The following DLGAP2 variants were observed in gnomAD, a reference collection of about 807,000 sequenced individuals.
DLGAP2 encodes disks large-associated protein 2.
Under a neutral mutation model 100.3 loss-of-function variants are expected in DLGAP2, and 26 were observed. The ratio of observed to expected loss-of-function variants is 0.26; its 90% CI spans 0.19 to 0.36. The LOEUF (loss-of-function observed/expected upper bound fraction) is 0.36. Ranked by LOEUF, DLGAP2 falls within the 10% of genes least tolerant of loss-of-function variation. The pLI is 1.00. For synonymous variants in DLGAP2, 886 were observed against 630.1 expected (o/e 1.41, Z -6.08); for missense variants, 1,858 against 1,453.2 (o/e 1.28, Z -4.53).
intron 3 of DLGAP2, among the ~76,000 whole-genome samples, chr8:1,333,846 G>A (rs981696271): frequency 6.6e-6 from 1 of 152,250 alleles, no homozygotes; most frequent in Admixed American, 6.5e-5. Context: ...TGGAACAGAA[G>A]CTCAGATCTA....
At chr8:1,566,775 A>G (rs373589082) in intron 6 of DLGAP2, among the ~76,000 whole-genome samples, 16 of 152,374 alleles carry the variant, frequency 1.1e-4, no homozygotes, top group East Asian at 9.6e-4. Context: ...ACCTCTTCCA[A>G]TACATCTAGT....
At chr8:1,243,607 G>A (rs558637528) in intron 2 of DLGAP2, among the ~76,000 whole-genome samples, 131 of 152,014 alleles carry the variant, frequency 8.6e-4, no homozygotes, top group Middle Eastern at 3.4e-3. Flanking sequence ...ACATTAATTT[G>A]TTTGGACCCC....
intron 2 of DLGAP2, among the ~76,000 whole-genome samples, chr8:1,011,001 C>T (rs895235352): frequency 6.7e-6 from 1 of 149,806 alleles, no homozygotes; most frequent in East Asian, 2.0e-4. Flanking sequence ...CGAGGGGCCT[C>T]AGTCTACATA....
intron 3 of DLGAP2, among the ~76,000 whole-genome samples, chr8:1,433,173 G>T (rs146430945): frequency 6.6e-6 from 1 of 152,234 alleles, no homozygotes; most frequent in Admixed American, 6.5e-5. Context: ...CTCCAGGAAC[G>T]TGCGGGACTT....
intron 3 of DLGAP2, among the ~76,000 whole-genome samples, chr8:1,417,726 G>GGGGGGCACGGGGAGCCCCACTCCTGCCTC (rs1796967566): frequency 1.3e-3 from 180 of 142,306 alleles, no homozygotes; most frequent in African/African-American, 2.1e-3. Flanking sequence ...CGAGGCTCCA[G>GGGGGGCACGGGGAGCCCCACTCCTGCCTC]ACACAGAAGC....
chr8:1,338,388 C>T (rs1165555471), intron 3 of DLGAP2, among the ~76,000 whole-genome samples: 2 of 152,212 alleles, frequency 1.3e-5, no homozygotes, highest in African/African-American at 4.8e-5. Flanking sequence ...AGAAGCCAGA[C>T]TCAAGTCCAC....
chr8:835,259 T>A (rs1553407), intron 1 of DLGAP2, among the ~76,000 whole-genome samples: 18,914 of 152,200 alleles, frequency 0.12, 1,763 homozygotes, highest in East Asian at 0.52. Flanking sequence ...TTTAAATATA[T>A]GTTTCTCTTT....
At chr8:1,261,084 G>A (rs1334412281) in intron 3 of DLGAP2, among the ~76,000 whole-genome samples, 2 of 152,078 alleles carry the variant, frequency 1.3e-5, no homozygotes, top group Admixed American at 6.5e-5. Context: ...TCTTTAAAAC[G>A]AGACAGACCG....
intron 1 of DLGAP2, among the ~76,000 whole-genome samples, chr8:864,399 G>A (rs953881831): frequency 4.6e-5 from 7 of 152,180 alleles, no homozygotes; most frequent in Non-Finnish European, 7.3e-5. Flanking sequence ...ACCCTAATTT[G>A]TCCATTGCAC....
rs149090620 is a variant in DLGAP2, at chr8:971,116, A to G, written c.73+63150A>G. On this transcript the variant is annotated intron_variant, in intron 2 of 14. Transcript: ENST00000637795. Reference sequence around the variant, plus strand: ...TTATTTAGATAATTGGACTTTATCAAAATGAGTAATTTTTGTGGTTTCGAG... The same window carrying G: ...TTATTTAGATAATTGGACTTTATCAGAATGAGTAATTTTTGTGGTTTCGAG... Among the ~76,000 whole-genome samples, 505 of 152,348 alleles carry G rather than the reference A, an allele frequency of 3.3e-3. 3 individuals carry two copies. Among genetic ancestry groups the G allele is most frequent in the Middle Eastern group, 0.01 (3 of 294 alleles).
chr8:1,390,544 C>T (rs542582294), intron 3 of DLGAP2, among the ~76,000 whole-genome samples: 1 of 152,162 alleles, frequency 6.6e-6, no homozygotes, highest in Non-Finnish European at 1.5e-5. Context: ...ATCTGTCGAG[C>T]TGTGTGCTCC....
intron 2 of DLGAP2, among the ~76,000 whole-genome samples, chr8:916,656 T>C (rs1471533460): frequency 6.6e-6 from 1 of 151,772 alleles, no homozygotes; most frequent in African/African-American, 2.4e-5. Context: ...TAAAGTATAA[T>C]AAAAAAAATT....
chr8:1,040,392 C>T (rs1227701956), intron 2 of DLGAP2, among the ~76,000 whole-genome samples: 2 of 147,640 alleles, frequency 1.4e-5, no homozygotes, highest in African/African-American at 5.1e-5. Flanking sequence ...GTGGTCAGCT[C>T]GGTGTGCGTG....
rs1165790168 is a variant in DLGAP2, at chr8:1,481,471, CT to C, written c.107-19871del. ...GGATTTTCTTTTTCTTTTTCTTTTT[CT>C]TTTTTTTTTTTTTTTTTTTTTTTGA... On this transcript the variant is annotated intron_variant, in intron 3 of 14. Coordinates refer to ENST00000637795, the MANE Select transcript of DLGAP2 (RefSeq NM_001346810.2). Among the ~76,000 whole-genome samples, 55 of 43,698 alleles carry C rather than the reference CT, an allele frequency of 1.3e-3. 1 individual carries two copies. Among genetic ancestry groups the C allele is most frequent in the South Asian group, 3.9e-3 (3 of 774 alleles). 28.7% of individuals were successfully genotyped at this position (43,698 alleles called of 152,430 possible). A position where few individuals can be genotyped will look rare whatever the true frequency, so the allele number is the denominator to read the frequency against.
intron 2 of DLGAP2, chr8:927,074 C>CT: frequency 1.0e-6 from 1 of 985,368 alleles, no homozygotes; most frequent in Non-Finnish European, 1.2e-6. Flanking sequence ...GAGAGATCCT[C>CT]GTGGGAGGGC....
chr8:1,558,887 C>T (rs1157280381), intron 5 of DLGAP2, among the ~76,000 whole-genome samples: 4 of 152,174 alleles, frequency 2.6e-5, no homozygotes, highest in Non-Finnish European at 5.9e-5. Flanking sequence ...TTTACACACA[C>T]ACACACACGG....
intron 2 of DLGAP2, among the ~76,000 whole-genome samples, chr8:1,208,322 C>G (rs1798038051): frequency 6.6e-6 from 1 of 152,136 alleles, no homozygotes; most frequent in African/African-American, 2.4e-5. Flanking sequence ...AATAGGGTGT[C>G]CTTTCCCCGC....
At chr8:1,001,049 A>C (rs1800941124) in intron 2 of DLGAP2, among the ~76,000 whole-genome samples, 1 of 152,228 alleles carries the variant, frequency 6.6e-6, no homozygotes, top group Non-Finnish European at 1.5e-5. Context: ...TATTGTTGAT[A>C]GTTTCCACTC....
At position 1,200,062 on chromosome 8, in the gene DLGAP2, C is replaced by T. The variant is rs116798048; in HGVS notation, c.74-58789C>T. Among the ~76,000 whole-genome samples, 1,030 of 152,154 alleles carry T rather than the reference C, an allele frequency of 6.8e-3. 10 individuals carry two copies. Among genetic ancestry groups the T allele is most frequent in the African/African-American group, 0.024 (979 of 41,508 alleles). ...GACCCCGAGAACAGGAGGATGAGGA[C>T]GACTCCGTACAGGGAAGCTGGGATG... is the stretch of plus-strand genomic sequence containing the variant. On this transcript the variant is annotated intron_variant, in intron 2 of 14. Transcript: ENST00000637795.
Sources: allele counts gnomAD v4.1 joint callset (sites outside exome capture counted in the v4.1 genomes callset), GRCh38; gene constraint gnomAD v4.1.1; transcripts MANE v1.5; gene names NCBI Gene and HGNC (gene_info 2026-07-23, HGNC 2026-07-21).